RSPO2: variants seen among roughly 807,000 people sequenced by gnomAD.
The protein encoded by RSPO2 is R-spondin 2.
In RSPO2, 14 loss-of-function variants were observed where a neutral mutation model predicts 30.9. The observed-to-expected ratio is 0.45, with a 90% CI of 0.30 to 0.71. RSPO2 has a LOEUF of 0.71. Among genes scored for constraint, RSPO2 ranks in the 30% least tolerant of loss-of-function variants. The probability of loss-of-function intolerance (pLI) is 0.08; values close to 1 mark genes in which losing one functional copy is unlikely to be tolerated. For synonymous variants in RSPO2, 107 were observed against 96.4 expected, an observed-to-expected ratio of 1.11 and a Z score of -0.64; for missense variants, 264 against 301.9, an observed-to-expected ratio of 0.87 and a Z score of 0.93.
chr8:107,949,261 T>C (rs1239255902), intron 5 of RSPO2, among the ~76,000 whole-genome samples: 2 of 152,140 alleles, frequency 1.3e-5, no homozygotes, highest in Non-Finnish European at 2.9e-5. Context: ...CAATATCTGG[T>C]TTTTTGTTTC....
intron 3 of RSPO2, among the ~76,000 whole-genome samples, chr8:107,968,724 TAATAA>T (rs1282809621): frequency 6.6e-6 from 1 of 151,952 alleles, no homozygotes; most frequent in Non-Finnish European, 1.5e-5. Flanking sequence ...TAAATATAAA[TAATAA>T]AATACATTTT....
intron 2 of RSPO2, among the ~76,000 whole-genome samples, chr8:108,025,495 A>G (rs1393236443): frequency 6.6e-6 from 1 of 152,206 alleles, no homozygotes; most frequent in Admixed American, 6.5e-5. Flanking sequence ...ACTGCTATAA[A>G]TAAGTAAACA....
At chr8:108,019,831 T>TC (rs1811003924) in intron 2 of RSPO2, among the ~76,000 whole-genome samples, 1 of 152,176 alleles carries the variant, frequency 6.6e-6, no homozygotes, top group Non-Finnish European at 1.5e-5. Flanking sequence ...AAATGTTCTT[T>TC]AAAAGGGTAG....
intron 3 of RSPO2, among the ~76,000 whole-genome samples, chr8:107,978,611 T>C (rs1173500329): frequency 6.6e-6 from 1 of 152,100 alleles, no homozygotes; most frequent in Non-Finnish European, 1.5e-5. Flanking sequence ...ACTCAGGACA[T>C]AGGCAAGGGC....
intron 5 of RSPO2, among the ~76,000 whole-genome samples, chr8:107,926,414 C>T (rs1246825740): frequency 1.3e-5 from 2 of 152,080 alleles, no homozygotes; most frequent in East Asian, 3.9e-4. Flanking sequence ...AATTAGATCC[C>T]ATTTGTCAAT....
At chr8:107,908,268 A>G (rs574711471) in intron 5 of RSPO2, among the ~76,000 whole-genome samples, 9 of 152,294 alleles carry the variant, frequency 5.9e-5, no homozygotes, top group Non-Finnish European at 8.8e-5. Flanking sequence ...ACAACAAGGT[A>G]ATCTGAATGA....
chr8:107,979,602 A>G lies in RSPO2; in HGVS notation c.283+9454T>C, dbSNP rs547254815. On this transcript the variant is annotated intron_variant, in intron 3 of 5. Transcript: ENST00000276659. ...TAAATGACAAGTTAATGGGTGCAGC[A>G]CAACATGGCACATGTATACATATGT... is the stretch of plus-strand genomic sequence containing the variant. Among the ~76,000 whole-genome samples, 4 of 152,178 alleles carry G rather than the reference A, an allele frequency of 2.6e-5. No individual in the cohort carries two copies. In the South Asian group the frequency reaches 8.3e-4, roughly 32 times the overall value.
chr8:108,039,106 T>C (rs989454232), intron 2 of RSPO2, among the ~76,000 whole-genome samples: 1 of 152,156 alleles, frequency 6.6e-6, no homozygotes, highest in Non-Finnish European at 1.5e-5. Flanking sequence ...CAAGGCTAGA[T>C]TGAATCATTT....
chr8:107,904,927 T>A (rs1811590038), intron 5 of RSPO2, among the ~76,000 whole-genome samples: 1 of 152,086 alleles, frequency 6.6e-6, no homozygotes, highest in South Asian at 2.1e-4. Flanking sequence ...GTGGAAATGG[T>A]CCAAGAGCAT....
intron 2 of RSPO2, among the ~76,000 whole-genome samples, chr8:108,016,010 C>T (rs2437003): frequency 0.65 from 99,502 of 151,958 alleles, 35,179 homozygotes; most frequent in African/African-American, 0.91. Context: ...ACCACCCACT[C>T]GGGTGCTGGA....
intron 5 of RSPO2, among the ~76,000 whole-genome samples, chr8:107,939,372 G>A (rs1185181130): frequency 4.0e-5 from 6 of 151,226 alleles, no homozygotes; most frequent in Admixed American, 3.3e-4. Flanking sequence ...CAAGCTGAGA[G>A]AACAAGCGAA....
chr8:107,946,467 A>T (rs141445339), intron 5 of RSPO2, among the ~76,000 whole-genome samples: 2 of 152,328 alleles, frequency 1.3e-5, no homozygotes, highest in East Asian at 3.9e-4. Flanking sequence ...ACATGCTGGC[A>T]GGACACCTAG....
At chr8:107,962,590 A>G (rs992071644) in intron 3 of RSPO2, among the ~76,000 whole-genome samples, 1 of 152,154 alleles carries the variant, frequency 6.6e-6, no homozygotes, top group Non-Finnish European at 1.5e-5. Context: ...GCTGTAACCT[A>G]TATTTTAATA....
Position 108,082,907 on chromosome 8 carries a change from G to A in RSPO2, c.-169-100C>T, listed in dbSNP as rs1586688435. ...GTCCCAATTTAAAGAAGAGAGGGAA[G>A]GAGGAAGCGAACCCACTGCCTAGCA... On this transcript the variant is annotated intron_variant, in intron 1 of 5. Coordinates refer to ENST00000276659, the MANE Select transcript of RSPO2 (RefSeq NM_178565.5). 7 of 459,438 alleles carry A rather than the reference G, an allele frequency of 1.5e-5. No homozygotes were observed. In the East Asian group the frequency reaches 1.8e-4, roughly 12 times the overall value. The allele number at this position is 459,438 out of a possible 1,614,324, so 28.5% of individuals were successfully genotyped here. A position where few individuals can be genotyped will look rare whatever the true frequency, so the allele number is the denominator to read the frequency against.
chr8:107,943,292 A>G (rs1329127520), intron 5 of RSPO2, among the ~76,000 whole-genome samples: 1 of 152,226 alleles, frequency 6.6e-6, no homozygotes, highest in South Asian at 2.1e-4. Context: ...TGTTCATTGC[A>G]TAATACTGAT....
At chr8:108,059,147 T>G (rs1812363734) in intron 2 of RSPO2, among the ~76,000 whole-genome samples, 1 of 150,830 alleles carries the variant, frequency 6.6e-6, no homozygotes, top group Admixed American at 6.6e-5. Context: ...TCAAACAAAT[T>G]TACAAGAAAA....
chr8:107,926,391 A>G (rs1366972308), intron 5 of RSPO2, among the ~76,000 whole-genome samples: 1 of 151,908 alleles, frequency 6.6e-6, no homozygotes, highest in Non-Finnish European at 1.5e-5. Context: ...GCTGTGCAGA[A>G]GCTCTTTAGT....
chr8:107,975,947 C>G (rs1814192877), intron 3 of RSPO2, among the ~76,000 whole-genome samples: 1 of 152,186 alleles, frequency 6.6e-6, no homozygotes, highest in Admixed American at 6.5e-5. Flanking sequence ...GGTGTCCACC[C>G]CATCAAGTGA....
chr8:108,033,944 T>C (rs1811509628), intron 2 of RSPO2, among the ~76,000 whole-genome samples: 1 of 152,302 alleles, frequency 6.6e-6, no homozygotes, highest in African/African-American at 2.4e-5. Flanking sequence ...TGTGCATTTT[T>C]CTAAGAGCAA....
Sources: allele counts gnomAD v4.1 joint callset (sites outside exome capture counted in the v4.1 genomes callset), GRCh38; gene constraint gnomAD v4.1.1; transcripts MANE v1.5; gene names NCBI Gene and HGNC (gene_info 2026-07-23, HGNC 2026-07-21).